GSDME: variants seen among roughly 807,000 people sequenced by gnomAD.
GSDME encodes gasdermin-E.
GSDME carries 44 observed loss-of-function variants against 47.5 expected under a neutral mutation model. The ratio of observed to expected loss-of-function variants is 0.93; its 90% CI spans 0.73 to 1.19. GSDME has a LOEUF of 1.19. GSDME is among the 50% of genes most tolerant of loss of function. GSDME has a pLI of 0.00. For missense variants in GSDME, 663 were observed against 604.2 expected (o/e 1.10, Z -1.02); for synonymous variants, 258 against 252.8 (o/e 1.02, Z -0.20).
Position 24,745,345 on chromosome 7 carries a change from C to T in GSDME, c.212-591G>A, listed in dbSNP as rs1202521993. Among the ~76,000 whole-genome samples the T allele has an allele frequency of 6.6e-6, 1 of 152,148 alleles. No individual in the cohort carries two copies. The highest frequency in any genetic ancestry group is 6.5e-5 in the Admixed American group (1 of 15,284). The stretch of plus-strand genomic sequence containing the variant: ...GGCCTGTCTGGGGGCATCTTGTCTA[C>T]CCACCCACCAGTCTTGGAAAACAAT... On this transcript the variant is annotated intron_variant, in intron 2 of 9. Transcript: ENST00000645220. This position sits in a 1 kb window ranked among gnomAD's most constrained non-coding sequence, Gnocchi z 4.4.
Position 24,741,886 on chromosome 7 carries a change from CT to C in GSDME, c.404+2675del, listed in dbSNP as rs563376269. On this transcript the variant is annotated intron_variant, in intron 3 of 9. Coordinates refer to ENST00000645220, the MANE Select transcript of GSDME (RefSeq NM_001127453.2). Reference sequence around the variant, plus strand: ...GAGCAGAAGTCTTCCCTTCCCGCCCCTGTCCTCCCCTCCCCTATAGTTCACC... The same window carrying C: ...GAGCAGAAGTCTTCCCTTCCCGCCCCGTCCTCCCCTCCCCTATAGTTCACC... 9.8e-5 allele frequency among the ~76,000 whole-genome samples: 15 copies of C among 152,336 alleles called. No individual in the cohort carries two copies. The East Asian group carries it at 2.9e-3, about 29-fold the overall frequency.
At chr7:24,710,634 T>G (rs1220725924) in intron 5 of GSDME, 3 of 529,428 alleles carry the variant, frequency 5.7e-6, no homozygotes, top group Non-Finnish European at 1.0e-5. Context: ...ATATATTCTC[T>G]GAACAGGCTG....
chr7:24,718,380 T>C (rs1286232038), intron 4 of GSDME, among the ~76,000 whole-genome samples: 1 of 152,240 alleles, frequency 6.6e-6, no homozygotes, highest in East Asian at 1.9e-4. Flanking sequence ...TAGTACTGGC[T>C]CACAGATCAG....
chr7:24,758,366 C>G (rs1366923789), upstream of GSDME, among the ~76,000 whole-genome samples: 2 of 152,354 alleles, frequency 1.3e-5, no homozygotes, highest in Admixed American at 6.5e-5. This position sits in a 1 kb window ranked among gnomAD's most constrained non-coding sequence, Gnocchi z 4.6. Flanking sequence ...TGCCTCTTGT[C>G]TCCTTGCCAG....
rs927716004 is a variant in GSDME, at chr7:24,756,588, C to A, written c.-20+808G>T. Among the ~76,000 whole-genome samples, 2 of 152,194 alleles carry A rather than the reference C, an allele frequency of 1.3e-5. No individual in the cohort carries two copies. The highest frequency in any genetic ancestry group is 4.8e-5 in the African/African-American group (2 of 41,444). On this transcript the variant is annotated intron_variant, in intron 1 of 9. Transcript: ENST00000645220. This position sits in a 1 kb window ranked among gnomAD's most constrained non-coding sequence, Gnocchi z 4.2. ...CTGCCTGCGTCTCGAGGACAGCGAC[C>A]GCAAGCCATCCATCCCTTTCATTAT...
At position 24,705,072 on chromosome 7, in the gene GSDME, T is replaced by A. The variant is rs796975893; in HGVS notation, c.1183+1112A>T. 71 of 152,318 alleles carry A rather than the reference T, an allele frequency of 4.7e-4. 1 individual carries two copies. Among genetic ancestry groups the A allele is most frequent in the African/African-American group, 1.7e-3 (69 of 41,554 alleles). 9.4% of individuals were successfully genotyped at this position (152,318 alleles called of 1,614,324 possible). A position where few individuals can be genotyped will look rare whatever the true frequency, so the allele number is the denominator to read the frequency against. ...ATGATGCTGGCCCTGTGTTACCTAC[T>A]TGGCATCACTGATCCAGGCTATTGA... On this transcript the variant is annotated intron_variant, in intron 8 of 9. Coordinates refer to ENST00000645220, the MANE Select transcript of GSDME (RefSeq NM_001127453.2). The surrounding 1 kb of genome is among the most constrained non-coding windows in gnomAD (Gnocchi z 4.1).
intron 1 of GSDME, among the ~76,000 whole-genome samples, chr7:24,752,650 T>C (rs1790893433): frequency 6.6e-6 from 1 of 152,118 alleles, no homozygotes; most frequent in Admixed American, 6.5e-5. Context: ...AAGGAACAGA[T>C]TTACTTTGCC....
chr7:24,721,154 A>G lies in GSDME; in HGVS notation c.405-1936T>C, dbSNP rs1368125584. ...GGTGACGAAGAAGTTCTAGAAATGC[A>G]GAGTAGAGATGACGGCACAACAGGG... On this transcript the variant is annotated intron_variant, in intron 3 of 9. Coordinates refer to ENST00000645220, the MANE Select transcript of GSDME (RefSeq NM_001127453.2). This position sits in a 1 kb window ranked among gnomAD's most constrained non-coding sequence, Gnocchi z 4.1. Among the ~76,000 whole-genome samples the G allele has an allele frequency of 6.6e-6, 1 of 152,186 alleles. No individual in the cohort carries two copies. Among genetic ancestry groups the G allele is most frequent in the Non-Finnish European group, 1.5e-5 (1 of 68,028 alleles).
At chr7:24,699,373 TG>T in intron 9 of GSDME, 114 bp from the exon 10 acceptor site, 1 of 755,188 alleles carries the variant, frequency 1.3e-6, no homozygotes, top group Non-Finnish European at 2.3e-6. Flanking sequence ...GATGGAGTCT[TG>T]CTCTGTCGTC....
At chr7:24,777,538 G>A in the GSDME span, among the ~76,000 whole-genome samples, 1 of 152,172 alleles carries the variant, frequency 6.6e-6, no homozygotes, top group Admixed American at 6.5e-5. Flanking sequence ...TGCAGGTGAT[G>A]TCACTGAACA....
intron 5 of GSDME, among the ~76,000 whole-genome samples, chr7:24,711,002 C>T (rs1171668135): frequency 6.6e-6 from 1 of 152,066 alleles, no homozygotes; most frequent in African/African-American, 2.4e-5. Context: ...TTTCAAAAGC[C>T]TTATCATTTC....
In GSDME at chr7:24,756,904, G is replaced by A. The variant is rs985954897; in HGVS notation, c.-20+492C>T. Among the ~76,000 whole-genome samples the A allele has an allele frequency of 6.6e-6, 1 of 152,090 alleles. No homozygotes were observed. The highest frequency in any genetic ancestry group is 6.5e-5 in the Admixed American group (1 of 15,284). Reference sequence around the variant, plus strand: ...GCAAAGTGGAGGGGGACTTTTTTCCGTCCAGAGAGACTGAACTCCGTATCT... The same window carrying A: ...GCAAAGTGGAGGGGGACTTTTTTCCATCCAGAGAGACTGAACTCCGTATCT... On this transcript the variant is annotated intron_variant, in intron 1 of 9. Transcript: ENST00000645220. This position sits in a 1 kb window ranked among gnomAD's most constrained non-coding sequence, Gnocchi z 4.2.
chr7:24,793,786 T>TTC, the GSDME span, among the ~76,000 whole-genome samples: 1 of 145,722 alleles, frequency 6.9e-6, no homozygotes, highest in Non-Finnish European at 1.5e-5. Flanking sequence ...CCCCTTTTCT[T>TTC]TTTTTTTTTT....
At chr7:24,710,192 A>G (rs766979266) in intron 6 of GSDME, 32 bp downstream of exon 6, 67 of 1,611,642 alleles carry the variant, frequency 4.2e-5, no homozygotes, top group African/African-American at 6.7e-5. Context: ...TTGGCCCTCA[A>G]CTGCCCACTA....
At chr7:24,776,999 A>G in the GSDME span, among the ~76,000 whole-genome samples, 1 of 152,104 alleles carries the variant, frequency 6.6e-6, no homozygotes. Flanking sequence ...TTCTAGTTCT[A>G]TAAATAATAT....
chr7:24,747,898 G>A (rs1790718982), intron 2 of GSDME, among the ~76,000 whole-genome samples: 1 of 151,906 alleles, frequency 6.6e-6, no homozygotes, highest in Non-Finnish European at 1.5e-5. Context: ...AAACTCCTGG[G>A]CTCAAGCGAT....
the GSDME span, among the ~76,000 whole-genome samples, chr7:24,773,479 T>A: frequency 6.6e-6 from 1 of 152,254 alleles, no homozygotes. This position sits in a 1 kb window ranked among gnomAD's most constrained non-coding sequence, Gnocchi z 5.4. Flanking sequence ...TCCTATTTGA[T>A]GGCAATTCAT....
intron 7 of GSDME, 126 bp from the exon 8 acceptor site, chr7:24,706,502 G>T: frequency 1.1e-6 from 1 of 883,438 alleles, no homozygotes. Flanking sequence ...ACGACCCGCA[G>T]CTCTTCTCTA....
chr7:24,787,908 T>C, the GSDME span, among the ~76,000 whole-genome samples: 2 of 152,194 alleles, frequency 1.3e-5, no homozygotes, highest in Non-Finnish European at 2.9e-5. This position sits in a 1 kb window ranked among gnomAD's most constrained non-coding sequence, Gnocchi z 5.0. Context: ...GGTTTCACCA[T>C]GTTAGCCAGG....
Sources: gnomAD v4.1 joint callset for allele counts (sites outside exome capture counted in the v4.1 genomes callset) on GRCh38, gnomAD v4.1.1 for gene constraint, Gnocchi (gnomAD v3.1) non-coding constraint, MANE v1.5 for transcripts, NCBI Gene and HGNC (gene_info 2026-07-23, HGNC 2026-07-21) for gene names.